Variants in GLB1L2 observed in about 807,000 individuals in gnomAD.
The protein encoded by GLB1L2 is galactosidase beta 1 like 2.
GLB1L2 carries 68 observed loss-of-function variants against 84.1 expected under a neutral mutation model. That is an observed-to-expected ratio of 0.81 (90% CI 0.67 to 0.99). The LOEUF (loss-of-function observed/expected upper bound fraction) is 0.99. GLB1L2 is among the 50% of genes least tolerant of loss of function. The pLI is 0.00. For synonymous variants in GLB1L2, 290 were observed against 318.0 expected (o/e 0.91, Z 0.94); for missense variants, 762 against 805.6 (o/e 0.95, Z 0.66).
intron 5 of GLB1L2, among the ~76,000 whole-genome samples, chr11:134,351,228 T>C (rs990871015): frequency 3.3e-5 from 5 of 152,230 alleles, no homozygotes; most frequent in African/African-American, 1.2e-4. Context: ...GAGTGTTTTT[T>C]ATCATGAAAG....
At chr11:134,340,728 A>G (rs1394516576) in intron 1 of GLB1L2, among the ~76,000 whole-genome samples, 2 of 152,372 alleles carry the variant, frequency 1.3e-5, no homozygotes, top group South Asian at 2.1e-4. Context: ...CACGCAGTCT[A>G]TCGCAAGTAC....
rs118170929 is a variant in GLB1L2 at position 134,366,922 on chromosome 11, C to T, written c.805-335C>T. On this transcript the variant is annotated intron_variant, in intron 8 of 18. Transcript: ENST00000535456. ...GAGTTGTCCTGGGTAAAACATCCCC[C>T]TTCCCTGGAAGAGGACAGGCAAAGC... The T allele has an allele frequency of 1.5e-3, 512 of 346,572 alleles. 10 individuals are homozygous for T. The East Asian group carries it at 0.03, about 20-fold the overall frequency. 21.5% of individuals were successfully genotyped at this position (346,572 alleles called of 1,614,324 possible). A position where few individuals can be genotyped will look rare whatever the true frequency, so the allele number is the denominator to read the frequency against.
chr11:134,332,222 C>G, intron 1 of GLB1L2, 75 bp downstream of exon 1: 1 of 1,062,538 alleles, frequency 9.4e-7, no homozygotes, highest in Non-Finnish European at 1.3e-6. Flanking sequence ...TCTCTCCTCC[C>G]GCGACCCGCG....
intron 7 of GLB1L2, among the ~76,000 whole-genome samples, chr11:134,362,054 CG>C (rs1241769502): frequency 6.6e-6 from 1 of 152,166 alleles, no homozygotes; most frequent in Non-Finnish European, 1.5e-5. Flanking sequence ...CTCTCGTCCT[CG>C]GGTCTTTCGG....
rs2136249936 is a variant in GLB1L2 at position 134,331,994 on chromosome 11, A to T, written c.-68A>T. On this transcript the variant is annotated 5_prime_UTR_variant, in exon 1 of 19. Coordinates refer to ENST00000535456, the MANE Select transcript of GLB1L2 (RefSeq NM_001370461.1). ...GTGCGCGGCTCCGCCCCCCGCGGCG[A>T]GGCTCCCGCGCGCGGCTGAGTGCGG... 9.0e-7 allele frequency: 1 copy of T among 1,111,768 alleles called. No individual in the cohort carries two copies. The highest frequency in any genetic ancestry group is 1.3e-6 in the Non-Finnish European group (1 of 789,716). The allele number at this position is 1,111,768 out of a possible 1,614,324, so 68.9% of individuals were successfully genotyped here.
At chr11:134,361,957 C>T (rs937746443) in intron 7 of GLB1L2, among the ~76,000 whole-genome samples, 2 of 152,202 alleles carry the variant, frequency 1.3e-5, no homozygotes, top group African/African-American at 2.4e-5. Context: ...CTCCCCTTCT[C>T]GTGCTGCTGC....
chr11:134,347,291 T>TAACA, intron 4 of GLB1L2, 34 bp from the exon 5 acceptor site: 1 of 1,534,578 alleles, frequency 6.5e-7, no homozygotes. Context: ...ACTGTGACAC[T>TAACA]AACATCCTTC....
intron 10 of GLB1L2, 142 bp downstream of exon 10, chr11:134,368,923 C>A: frequency 1.2e-6 from 1 of 855,544 alleles, no homozygotes; most frequent in African/African-American, 1.7e-5. Context: ...CTTGCCTGGA[C>A]AGTCATGTTA....
At chr11:134,351,345 C>CTTTTTTTT (rs367790049) in intron 5 of GLB1L2, among the ~76,000 whole-genome samples, 1 of 129,118 alleles carries the variant, frequency 7.7e-6, no homozygotes, top group East Asian at 2.4e-4. Flanking sequence ...CTTTTTCTTT[C>CTTTTTTTT]TTTTTTTTTT....
At chr11:134,355,257 G>T (rs543366952) in intron 5 of GLB1L2, among the ~76,000 whole-genome samples, 1 of 152,084 alleles carries the variant, frequency 6.6e-6, no homozygotes, top group African/African-American at 2.4e-5. Context: ...GTTTCCTTTA[G>T]CTCCTTGAGC....
chr11:134,375,000 G>A lies in GLB1L2; in HGVS notation c.1853G>A (p.Gly618Asp), dbSNP rs759569293. ...QVIVFEETMAGPALQFTETPH... is the reference protein window; with the variant it reads ...QVIVFEETMADPALQFTETPH... ...ATCGTTTTTGAGGAGACGATGGCGGGCCCTGCATTACAGTTCACGGAAACC... is the reference window on the plus strand; with the variant it reads ...ATCGTTTTTGAGGAGACGATGGCGGACCCTGCATTACAGTTCACGGAAACC... Residue 618 changes from glycine to aspartate, a missense_variant, in exon 19 of 19, where the codon GGC becomes GAC. This residue lies in a region of GLB1L2 where 603 missense variants were observed against 611.7 expected (regional missense o/e 0.99). Coordinates refer to ENST00000535456, the MANE Select transcript of GLB1L2 (RefSeq NM_001370461.1). 3.1e-6 allele frequency: 5 copies of A among 1,613,710 alleles called. No homozygotes were observed.
At chr11:134,332,188 T>G (rs1427552052) in intron 1 of GLB1L2, 41 bp downstream of exon 1, 4 of 1,358,822 alleles carry the variant, frequency 2.9e-6, no homozygotes, top group East Asian at 5.7e-5. Flanking sequence ...GACCCCACAT[T>G]CCCCAGCCCT....
chr11:134,352,890 C>T (rs953363052), intron 5 of GLB1L2, among the ~76,000 whole-genome samples: 11 of 152,050 alleles, frequency 7.2e-5, no homozygotes, highest in South Asian at 2.1e-4. Flanking sequence ...TCAGGTGATC[C>T]GCCCGCCTTG....
At chr11:134,356,090 A>G in intron 5 of GLB1L2, 1 of 674,766 alleles carries the variant, frequency 1.5e-6, no homozygotes, top group Non-Finnish European at 2.7e-6. Flanking sequence ...GCTCCTATTA[A>G]GTTATTTTAG....
Position 134,345,039 on chromosome 11 carries a change from TCGTCCTGATG to T in GLB1L2, c.360_369del (p.Phe120LeufsTer9), listed in dbSNP as rs1286342880. The T allele has an allele frequency of 6.2e-7, 1 of 1,612,294 alleles. No individual in the cohort carries two copies. Among genetic ancestry groups the T allele is most frequent in the Non-Finnish European group, 8.5e-7 (1 of 1,179,266 alleles). ...GACGATGTGGACCTCCCTAGGGCCTTCGTCCTGATGGCCGCAGAGATCGGGCTGTGGGTGA... is the reference window on the plus strand; with the variant it reads ...GACGATGTGGACCTCCCTAGGGCCTTGCCGCAGAGATCGGGCTGTGGGTGA... On this transcript the variant is annotated frameshift_variant, in exon 4 of 19. Coordinates refer to ENST00000535456, the MANE Select transcript of GLB1L2 (RefSeq NM_001370461.1). LOFTEE classifies it high-confidence loss of function.
intron 1 of GLB1L2, among the ~76,000 whole-genome samples, chr11:134,341,865 C>T (rs1943466925): frequency 6.6e-6 from 1 of 151,844 alleles, no homozygotes; most frequent in African/African-American, 2.4e-5. Context: ...GCAGTGGGGC[C>T]CGGCTGGCCA....
In GLB1L2 at chr11:134,332,406, G is replaced by A. The variant is rs1402889472; in HGVS notation, c.86+259G>A. Among the ~76,000 whole-genome samples, 9 of 148,336 alleles carry A rather than the reference G, an allele frequency of 6.1e-5. 1 individual carries two copies. The highest frequency in any genetic ancestry group is 2.3e-4 in the African/African-American group (9 of 39,848). On this transcript the variant is annotated intron_variant, in intron 1 of 18. Transcript: ENST00000535456. ...GTCTGTGCCCCGAGCCGCCCACCCCGCCGCGCCTGTGACGCCGGGCTCTGC... is the reference window on the plus strand; with the variant it reads ...GTCTGTGCCCCGAGCCGCCCACCCCACCGCGCCTGTGACGCCGGGCTCTGC...
chr11:134,366,295 C>T (rs1480592952), intron 8 of GLB1L2, among the ~76,000 whole-genome samples: 7 of 152,252 alleles, frequency 4.6e-5, no homozygotes, highest in Non-Finnish European at 1.0e-4. Flanking sequence ...GAAAACCAAG[C>T]CGCCAGTCTT....
rs1015465407 is a variant in GLB1L2, at chr11:134,347,430, C to G, written c.555C>G (p.Leu185=). The change falls in exon 5 of 19, where the codon CTC becomes CTG. Residue 185 remains leucine, a synonymous_variant. Coordinates refer to ENST00000535456, the MANE Select transcript of GLB1L2 (RefSeq NM_001370461.1). ...ACCTGATGTCCAGGGTGGTGCCACT[C>G]CAGGTACAAGCAAATGGGGTCTTCT... is the stretch of plus-strand genomic sequence containing the variant. ...FDHLMSRVVP[L]QYKRGGPIIA... is the part of the protein sequence containing the mutation. 3 of 1,605,578 alleles carry G rather than the reference C, an allele frequency of 1.9e-6. No individual in the cohort carries two copies.
Sources: allele counts gnomAD v4.1 joint callset (sites outside exome capture counted in the v4.1 genomes callset), GRCh38; gene constraint gnomAD v4.1.1; regional missense constraint gnomAD v4.1.1; transcripts MANE v1.5; gene names NCBI Gene and HGNC (gene_info 2026-07-23, HGNC 2026-07-21).